BBS9: variants seen among roughly 807,000 people sequenced by gnomAD.
BBS9 encodes Bardet-Biedl syndrome 9.
BBS9 carries 89 observed loss-of-function variants against 117.7 expected under a neutral mutation model. The ratio of observed to expected loss-of-function variants is 0.76; its 90% CI spans 0.64 to 0.90. The LOEUF (loss-of-function observed/expected upper bound fraction) is 0.90, where lower values mean the gene tolerates loss of function less well. Ranked by LOEUF, BBS9 falls within the 40% of genes least tolerant of loss-of-function variation. The pLI, the probability that BBS9 is intolerant of heterozygous loss-of-function variation, is 0.00. For missense variants in BBS9, 982 were observed against 1,042.2 expected (o/e 0.94, Z 0.80); for synonymous variants, 379 against 370.9 (o/e 1.02, Z -0.25).
intron 17 of BBS9, among the ~76,000 whole-genome samples, chr7:33,378,869 C>A (rs10259674): frequency 0.028 from 4,296 of 152,286 alleles, 244 homozygotes; most frequent in East Asian, 0.27. Context: ...ATCAAGAACT[C>A]AGCTCTGGCC....
chr7:33,616,219 T>A (rs1177322873), intron 21 of BBS9, among the ~76,000 whole-genome samples: 5 of 150,994 alleles, frequency 3.3e-5, no homozygotes, highest in Admixed American at 1.3e-4. Flanking sequence ...TGTATTAAAA[T>A]ATATATATAA....
At chr7:33,445,720 C>A (rs1448582314) in intron 19 of BBS9, among the ~76,000 whole-genome samples, 2 of 152,122 alleles carry the variant, frequency 1.3e-5, no homozygotes, top group Non-Finnish European at 2.9e-5. Context: ...GAGGGAGGGA[C>A]CTGGTGGGAG....
At chr7:33,252,509 C>G (rs957412976) in intron 5 of BBS9, among the ~76,000 whole-genome samples, 5 of 152,012 alleles carry the variant, frequency 3.3e-5, no homozygotes, top group African/African-American at 1.2e-4. Flanking sequence ...ATATGGTAGG[C>G]CTAGATTGGT....
chr7:33,267,464 A>T (rs1380090066), intron 7 of BBS9, among the ~76,000 whole-genome samples: 1 of 57,098 alleles, frequency 1.8e-5, no homozygotes, highest in East Asian at 3.6e-4. Flanking sequence ...CTTTGGATTT[A>T]TCCAGTTTTT....
At chr7:33,613,370 G>A (rs544635505) in intron 21 of BBS9, among the ~76,000 whole-genome samples, 1 of 152,042 alleles carries the variant, frequency 6.6e-6, no homozygotes, top group Non-Finnish European at 1.5e-5. Context: ...TTTTATAACC[G>A]TGAAATTCCT....
chr7:33,520,609 C>T (rs969979713), intron 20 of BBS9, among the ~76,000 whole-genome samples: 2 of 152,194 alleles, frequency 1.3e-5, no homozygotes, highest in African/African-American at 2.4e-5. Flanking sequence ...CATAAAGCCA[C>T]AGTCTAGGTC....
intron 9 of BBS9, chr7:33,314,523 C>A: frequency 5.6e-6 from 1 of 179,342 alleles, no homozygotes; most frequent in South Asian, 1.2e-4. Flanking sequence ...ATGTTGACTT[C>A]AAGGGTTCCA....
At chr7:33,588,887 G>A (rs1861404896) in intron 21 of BBS9, among the ~76,000 whole-genome samples, 1 of 152,160 alleles carries the variant, frequency 6.6e-6, no homozygotes, top group South Asian at 2.1e-4. Context: ...GGACAGTGAG[G>A]TGGTGTGGTA....
At chr7:33,504,919 A>C (rs1845934990) in intron 19 of BBS9, among the ~76,000 whole-genome samples, 1 of 151,690 alleles carries the variant, frequency 6.6e-6, no homozygotes, top group African/African-American at 2.4e-5. Flanking sequence ...GACATTACTC[A>C]ACTGGTCAAA....
intron 4 of BBS9, among the ~76,000 whole-genome samples, chr7:33,166,528 C>T (rs1334310533): frequency 6.6e-6 from 1 of 152,258 alleles, no homozygotes; most frequent in Non-Finnish European, 1.5e-5. Flanking sequence ...TTTGAGCTTC[C>T]TCCAGCCGCT....
intron 17 of BBS9, among the ~76,000 whole-genome samples, chr7:33,371,194 T>C (rs183392290): frequency 6.6e-6 from 1 of 152,304 alleles, no homozygotes; most frequent in Admixed American, 6.5e-5. Flanking sequence ...TTTAATAATA[T>C]CTCTATAGTT....
chr7:33,480,168 T>C (rs1563232969), intron 19 of BBS9, among the ~76,000 whole-genome samples: 4 of 152,160 alleles, frequency 2.6e-5, no homozygotes, highest in Admixed American at 1.3e-4. Context: ...CTTAGAGATA[T>C]GAGGAACAGT....
chr7:33,470,681 C>T (rs984905741), intron 19 of BBS9, among the ~76,000 whole-genome samples: 11 of 152,074 alleles, frequency 7.2e-5, no homozygotes, highest in African/African-American at 2.7e-4. Flanking sequence ...GCCTGCTCAC[C>T]GTGGGTTATA....
intron 19 of BBS9, among the ~76,000 whole-genome samples, chr7:33,398,697 G>A (rs1828415279): frequency 6.6e-6 from 1 of 152,146 alleles, no homozygotes; most frequent in Non-Finnish European, 1.5e-5. Flanking sequence ...AAAGAGTAAA[G>A]TGAAACAAGT....
intron 9 of BBS9, among the ~76,000 whole-genome samples, chr7:33,285,371 A>G (rs1000222268): frequency 6.6e-6 from 1 of 152,150 alleles, no homozygotes; most frequent in African/African-American, 2.4e-5. Flanking sequence ...ATTGTGGTAT[A>G]CTGTAACTTA....
intron 20 of BBS9, among the ~76,000 whole-genome samples, chr7:33,512,764 G>T (rs937294687): frequency 1.3e-5 from 2 of 152,212 alleles, no homozygotes; most frequent in African/African-American, 4.8e-5. Context: ...CGCCCGCTGT[G>T]CTGTGGACCA....
At position 33,481,948 on chromosome 7, in the gene BBS9, G is replaced by A. The variant is rs538111162; in HGVS notation, c.2116-23515G>A. Reference sequence around the variant, plus strand: ...GGGATGTCGTCCTGTAGTTTGGGACGTTTTTCATGGGAAAATTGGCTTATT... The same window carrying A: ...GGGATGTCGTCCTGTAGTTTGGGACATTTTTCATGGGAAAATTGGCTTATT... On this transcript the variant is annotated intron_variant, in intron 19 of 22. Transcript: ENST00000242067. 9.2e-5 allele frequency among the ~76,000 whole-genome samples: 14 copies of A among 152,252 alleles called. No individual in the cohort carries two copies. In the South Asian group the frequency reaches 1.0e-3, roughly 11 times the overall value.
intron 5 of BBS9, among the ~76,000 whole-genome samples, chr7:33,256,182 A>C (rs762268144): frequency 8.6e-5 from 13 of 152,012 alleles, no homozygotes; most frequent in Non-Finnish European, 1.8e-4. Context: ...AACAAACAAA[A>C]AAAACCAAAA....
At chr7:33,190,692 G>A (rs1783982905) in intron 5 of BBS9, among the ~76,000 whole-genome samples, 1 of 152,140 alleles carries the variant, frequency 6.6e-6, no homozygotes, top group Non-Finnish European at 1.5e-5. Flanking sequence ...TGTAAAAGAG[G>A]TTCTTCCTTT....
Sources: gnomAD v4.1 joint callset for allele counts (sites outside exome capture counted in the v4.1 genomes callset) on GRCh38, gnomAD v4.1.1 for gene constraint, MANE v1.5 for transcripts, NCBI Gene and HGNC (gene_info 2026-07-23, HGNC 2026-07-21) for gene names.